Variants in NLK observed in about 807,000 individuals in gnomAD.
NLK encodes the protein nemo like kinase.
A neutral mutation model predicts 59.0 loss-of-function variants in NLK; 11 were observed. The observed-to-expected ratio is 0.19, with a 90% CI of 0.12 to 0.31. The LOEUF (loss-of-function observed/expected upper bound fraction) is 0.31, where lower values mean the gene tolerates loss of function less well. Ranked by LOEUF, NLK falls within the 10% of genes least tolerant of loss-of-function variation. NLK has a pLI of 1.00. For synonymous variants in NLK, 235 were observed against 235.9 expected (o/e 1.00, Z 0.03); for missense variants, 410 against 661.1 (o/e 0.62, Z 4.16).
chr17:28,099,648 G>A (rs1159223196), intron 1 of NLK, among the ~76,000 whole-genome samples: 3 of 142,800 alleles, frequency 2.1e-5, no homozygotes, highest in East Asian at 2.0e-4. Context: ...GCGCAATCTC[G>A]GCTCACTGCA....
In NLK at chr17:28,067,837, A is replaced by AATAT. The variant is rs111252386; in HGVS notation, c.458+24523_458+24526dup. ...CCAAACTGTAGGTAGACCTTCTTAA[A>AATAT]ATATATATATATATATATATGGTCT... On this transcript the variant is annotated intron_variant, in intron 1 of 10. Transcript: ENST00000407008. Among the ~76,000 whole-genome samples, 514 of 146,476 alleles carry AATAT rather than the reference A, an allele frequency of 3.5e-3. 2 individuals carry two copies. The highest frequency in any genetic ancestry group is 4.3e-3 in the South Asian group (20 of 4,608).
chr17:28,085,630 CT>C (rs1910488174), intron 1 of NLK, among the ~76,000 whole-genome samples: 2 of 152,052 alleles, frequency 1.3e-5, no homozygotes. Flanking sequence ...ATCCCAGCTA[CT>C]CGGAAAGGCT....
intron 1 of NLK, among the ~76,000 whole-genome samples, chr17:28,061,114 C>T (rs1036547708): frequency 2.0e-5 from 3 of 152,140 alleles, no homozygotes; most frequent in African/African-American, 4.8e-5. Context: ...GCCTTGAACT[C>T]AGGCTCAAGC....
chr17:28,121,495 CTTTTTTT>C (rs58647578), intron 1 of NLK, among the ~76,000 whole-genome samples: 3 of 72,290 alleles, frequency 4.1e-5, no homozygotes, highest in Non-Finnish European at 7.0e-5. Context: ...TCTTTCTTTT[CTTTTTTT>C]TTTTTTTTTT....
intron 1 of NLK, among the ~76,000 whole-genome samples, chr17:28,121,610 T>C (rs1423997836): frequency 6.8e-6 from 1 of 147,266 alleles, no homozygotes; most frequent in Non-Finnish European, 1.5e-5. Flanking sequence ...CAAGCAATTC[T>C]TGTGCCTCAG....
the NLK span, among the ~76,000 whole-genome samples, chr17:28,204,258 CGCTAGTTCTGCA>C: frequency 1.3e-5 from 2 of 152,168 alleles, no homozygotes; most frequent in Non-Finnish European, 2.9e-5. Flanking sequence ...TGGTCTGAGC[CGCTAGTTCTGCA>C]GCTTTAGAGG....
intron 2 of NLK, among the ~76,000 whole-genome samples, chr17:28,127,120 A>G (rs1371826442): frequency 6.6e-6 from 1 of 152,174 alleles, no homozygotes; most frequent in Non-Finnish European, 1.5e-5. Context: ...TTTAGACAAT[A>G]ACACTAAGTA....
At chr17:28,048,516 G>A (rs2142732143) in intron 1 of NLK, 1 of 152,170 alleles carries the variant, frequency 6.6e-6, no homozygotes, top group Admixed American at 6.5e-5. Flanking sequence ...AAAGAGAAAT[G>A]GGGGCAGATA....
intron 8 of NLK, among the ~76,000 whole-genome samples, chr17:28,188,547 C>T (rs372645981): frequency 7.2e-5 from 11 of 152,214 alleles, no homozygotes; most frequent in East Asian, 1.9e-4. Context: ...GCACGATCTC[C>T]GCTCACCACA....
At chr17:28,044,091 T>C (rs1304650736) in intron 1 of NLK, among the ~76,000 whole-genome samples, 24 of 152,254 alleles carry the variant, frequency 1.6e-4, no homozygotes. Flanking sequence ...TTTTAACAAA[T>C]GACCCTACCT....
At chr17:28,096,143 A>C (rs1904692784) in intron 1 of NLK, among the ~76,000 whole-genome samples, 1 of 152,222 alleles carries the variant, frequency 6.6e-6, no homozygotes, top group South Asian at 2.1e-4. Flanking sequence ...CTTATTTTGA[A>C]AACGTTGAAA....
chr17:28,111,629 C>T (rs555021365), intron 1 of NLK, among the ~76,000 whole-genome samples: 97 of 152,198 alleles, frequency 6.4e-4, no homozygotes, highest in African/African-American at 2.2e-3. Flanking sequence ...TGACGGTTGT[C>T]ATTATTGTTG....
At chr17:28,131,532 T>C (rs776860455) in intron 2 of NLK, among the ~76,000 whole-genome samples, 3 of 143,870 alleles carry the variant, frequency 2.1e-5, no homozygotes, top group African/African-American at 5.2e-5. Context: ...ATTGATTACA[T>C]GGGCATTCTC....
At chr17:28,082,608 G>A (rs755040705) in intron 1 of NLK, among the ~76,000 whole-genome samples, 4 of 152,130 alleles carry the variant, frequency 2.6e-5, no homozygotes, top group Admixed American at 6.5e-5. Flanking sequence ...TGTGTTTCCC[G>A]CAGATTTTCT....
chr17:28,122,982 T>C (rs1360916055), intron 2 of NLK, among the ~76,000 whole-genome samples: 1 of 152,170 alleles, frequency 6.6e-6, no homozygotes, highest in Non-Finnish European at 1.5e-5. Flanking sequence ...CTGTAGTCTT[T>C]CAGTGCTTTG....
chr17:28,146,608 C>A (rs1178112846), intron 3 of NLK, among the ~76,000 whole-genome samples: 3 of 152,178 alleles, frequency 2.0e-5, no homozygotes, highest in African/African-American at 7.2e-5. Context: ...AAGATTCTAA[C>A]CTTGGTCATT....
rs1381854732 is a variant in NLK, at chr17:28,076,754, CAAA to C, written c.458+33424_458+33426del. On this transcript the variant is annotated intron_variant, in intron 1 of 10. Coordinates refer to ENST00000407008, the MANE Select transcript of NLK (RefSeq NM_016231.5). Reference sequence around the variant, plus strand: ...CTATGGTTTATAAAACAGTGAAAAACAAAGAAGTGGAGTAGAGAGGGTTAGTAT... The same window carrying C: ...CTATGGTTTATAAAACAGTGAAAAACGAAGTGGAGTAGAGAGGGTTAGTAT... Among the ~76,000 whole-genome samples, 11 of 152,164 alleles carry C rather than the reference CAAA, an allele frequency of 7.2e-5. No individual in the cohort carries two copies. In the South Asian group the frequency reaches 2.3e-3, roughly 32 times the overall value.
intron 1 of NLK, among the ~76,000 whole-genome samples, chr17:28,096,107 G>A (rs1010778983): frequency 1.3e-5 from 2 of 152,128 alleles, no homozygotes; most frequent in Non-Finnish European, 2.9e-5. Context: ...GTCAGCACAG[G>A]CATTCTTTTA....
At chr17:28,179,114 A>G (rs1233338285) in intron 7 of NLK, among the ~76,000 whole-genome samples, 5 of 152,208 alleles carry the variant, frequency 3.3e-5, no homozygotes, top group African/African-American at 1.2e-4. Context: ...TCACTCCCAC[A>G]TTGCTAAGTT....
Sources: allele counts gnomAD v4.1 joint callset (sites outside exome capture counted in the v4.1 genomes callset), GRCh38; gene constraint gnomAD v4.1.1; transcripts MANE v1.5; gene names NCBI Gene and HGNC (gene_info 2026-07-23, HGNC 2026-07-21).